Variants in SP110 observed in about 807,000 individuals in gnomAD.
The protein encoded by SP110 is interferon-induced protein 41, 30kD.
SP110 carries 62 observed loss-of-function variants against 92.7 expected under a neutral mutation model. That is an observed-to-expected ratio of 0.67 (90% confidence interval 0.55 to 0.83). The LOEUF is 0.83. SP110 is among the 40% of genes least tolerant of loss of function. The pLI is 0.00. For synonymous variants in SP110, 273 were observed against 305.3 expected (o/e 0.89, Z 1.10); for missense variants, 793 against 863.9 (o/e 0.92, Z 1.03).
chr2:230,193,018 T>G (rs2042705663), intron 10 of SP110, among the ~76,000 whole-genome samples: 1 of 152,218 alleles, frequency 6.6e-6, no homozygotes, highest in South Asian at 2.1e-4. Flanking sequence ...AAATGTCTTA[T>G]GAATCTGGGA....
chr2:230,181,270 A>G (rs2042115015), intron 12 of SP110, among the ~76,000 whole-genome samples: 1 of 152,256 alleles, frequency 6.6e-6, no homozygotes, highest in African/African-American at 2.4e-5. Flanking sequence ...ACTCACACAC[A>G]TGCATCAGAT....
At chr2:230,183,761 G>A in intron 11 of SP110, 121 bp from the exon 12 acceptor site, 1 of 732,886 alleles carries the variant, frequency 1.4e-6, no homozygotes, top group Non-Finnish European at 2.5e-6. Context: ...AGTTACATAT[G>A]AGTCCTTATG....
chr2:230,190,798 A>G (rs1213464334), intron 10 of SP110, among the ~76,000 whole-genome samples: 6 of 152,212 alleles, frequency 3.9e-5, no homozygotes, highest in Admixed American at 3.9e-4. Flanking sequence ...TCCTGGCACC[A>G]TTTATTAAAT....
At chr2:230,212,307 T>A in intron 5 of SP110, 40 bp downstream of exon 5, 1 of 1,456,104 alleles carries the variant, frequency 6.9e-7, no homozygotes, top group Admixed American at 1.7e-5. Context: ...CCCTTCACAG[T>A]CACCTTGAGC....
At chr2:230,171,660 G>C (rs1204566754) in intron 17 of SP110, 36 bp downstream of exon 17, 2 of 1,516,792 alleles carry the variant, frequency 1.3e-6, no homozygotes, top group Admixed American at 3.3e-5. Flanking sequence ...TTCTCCAAAT[G>C]CATTTTATGC....
chr2:230,222,247 A>G (rs991980307), upstream of SP110, among the ~76,000 whole-genome samples: 1 of 151,984 alleles, frequency 6.6e-6, no homozygotes, highest in Admixed American at 6.6e-5. Flanking sequence ...AAAAAAAAAA[A>G]ATGCATGCTT....
chr2:230,171,917 G>T, intron 16 of SP110, 149 bp downstream of exon 16: 1 of 849,120 alleles, frequency 1.2e-6, no homozygotes, highest in Non-Finnish European at 2.0e-6. Context: ...GTGGGATTTT[G>T]TTTAGACTCT....
At chr2:230,176,691 GAT>G (rs761968880) in intron 14 of SP110, 44 of 1,613,824 alleles carry the variant, frequency 2.7e-5, no homozygotes, top group Non-Finnish European at 3.5e-5. Context: ...TCTCTCTTGA[GAT>G]TTATTCTTGG....
At chr2:230,182,866 G>A (rs115125843) in intron 12 of SP110, among the ~76,000 whole-genome samples, 2 of 152,342 alleles carry the variant, frequency 1.3e-5, no homozygotes, top group Non-Finnish European at 2.9e-5. Context: ...TGTCTCCACT[G>A]AGGAATCTTG....
At chr2:230,212,308 C>T in intron 5 of SP110, 39 bp downstream of exon 5, 1 of 1,462,718 alleles carries the variant, frequency 6.8e-7, no homozygotes, top group South Asian at 1.1e-5. Flanking sequence ...CCTTCACAGT[C>T]ACCTTGAGCT....
chr2:230,207,844 G>C, intron 8 of SP110, 147 bp downstream of exon 8: 1 of 643,530 alleles, frequency 1.6e-6, no homozygotes, highest in South Asian at 1.8e-5. Context: ...TAGCAAAATT[G>C]AGCTTACATT....
chr2:230,204,739 G>A (rs567151197), intron 8 of SP110, among the ~76,000 whole-genome samples: 2 of 152,276 alleles, frequency 1.3e-5, no homozygotes, highest in East Asian at 1.9e-4. Context: ...GCTGGGTGCT[G>A]TAGAAATTAT....
intron 11 of SP110, among the ~76,000 whole-genome samples, chr2:230,184,397 T>C (rs1418653773): frequency 6.6e-6 from 1 of 152,120 alleles, no homozygotes; most frequent in Non-Finnish European, 1.5e-5. Flanking sequence ...TGTTTGGAAA[T>C]CTATTTGTTT....
chr2:230,204,386 C>T (rs1425567460), intron 8 of SP110, among the ~76,000 whole-genome samples: 4 of 152,226 alleles, frequency 2.6e-5, no homozygotes, highest in Non-Finnish European at 4.4e-5. Flanking sequence ...CTGCTGGCCA[C>T]GGGGTGTGCA....
Position 230,186,154 on chromosome 2 carries a change from T to TA in SP110, c.1130-12dup, listed in dbSNP as rs1280397578. 1 of 1,613,836 alleles carries TA rather than the reference T, an allele frequency of 6.2e-7. No homozygotes were observed. Among genetic ancestry groups the TA allele is most frequent in the Non-Finnish European group, 8.5e-7 (1 of 1,179,830 alleles). On this transcript the variant is annotated splice_polypyrimidine_tract_variant and intron_variant, in intron 10 of 18. Transcript: ENST00000258381. The stretch of plus-strand genomic sequence containing the variant: ...CAGGTGAGGCTGCCCCTGGACCAAA[T>TA]AGACTTGTGAATAGTTTAGTGAGCT...
intron 10 of SP110, among the ~76,000 whole-genome samples, chr2:230,190,772 T>C (rs996553598): frequency 6.6e-6 from 1 of 152,346 alleles, no homozygotes; most frequent in Non-Finnish European, 1.5e-5. Context: ...GTTTTCTGCA[T>C]ATGGATAGCC....
chr2:230,171,967 T>C, intron 16 of SP110, 99 bp downstream of exon 16: 1 of 872,428 alleles, frequency 1.1e-6, no homozygotes. Flanking sequence ...AAGGGAGACA[T>C]TGAAGGCTCC....
At chr2:230,177,408 A>T in intron 14 of SP110, 130 bp downstream of exon 14, 1 of 1,012,950 alleles carries the variant, frequency 9.9e-7, no homozygotes, top group Admixed American at 1.9e-5. Flanking sequence ...TTTTTTTTCT[A>T]TGAACATTTA....
chr2:230,210,202 AG>A (rs2044312189), intron 6 of SP110, among the ~76,000 whole-genome samples, 194 bp from the exon 7 acceptor site: 1 of 152,218 alleles, frequency 6.6e-6, no homozygotes, highest in Non-Finnish European at 1.5e-5. Context: ...CGACCATCAC[AG>A]GGAACTAGGG....
Sources: gnomAD v4.1 joint callset for allele counts (sites outside exome capture counted in the v4.1 genomes callset) on GRCh38, gnomAD v4.1.1 for gene constraint, MANE v1.5 for transcripts, NCBI Gene and HGNC (gene_info 2026-07-23, HGNC 2026-07-21) for gene names.